Variants in ADAMTS17 observed in about 807,000 individuals in gnomAD.
The protein encoded by ADAMTS17 is A disintegrin and metalloproteinase with thrombospondin motifs 17.
A neutral mutation model predicts 141.5 loss-of-function variants in ADAMTS17; 113 were observed. The observed-to-expected ratio is 0.80, with a 90% confidence interval of 0.69 to 0.93. ADAMTS17 has a LOEUF of 0.93. Among genes scored for constraint, ADAMTS17 ranks in the 40% least tolerant of loss-of-function variants. ADAMTS17 has a pLI of 0.00. For missense variants in ADAMTS17, 1,659 were observed against 1,517.9 expected, an observed-to-expected ratio of 1.09 and a Z score of -1.54; for synonymous variants, 768 against 630.6, an observed-to-expected ratio of 1.22 and a Z score of -3.27.
At chr15:100,221,346 ATG>A (rs930919758) in intron 7 of ADAMTS17, among the ~76,000 whole-genome samples, 2 of 151,518 alleles carry the variant, frequency 1.3e-5, no homozygotes, top group African/African-American at 4.9e-5. Flanking sequence ...CGCATAGCAT[ATG>A]TGTGTGTGTT....
rs373899380 is a variant in ADAMTS17 at position 99,974,412 on chromosome 15, G to A, written c.3278C>T (p.Pro1093Leu). 2.2e-5 allele frequency: 35 copies of A among 1,614,030 alleles called. No individual in the cohort carries two copies. Among genetic ancestry groups the A allele is most frequent in the African/African-American group, 9.3e-5 (7 of 74,934 alleles). The stretch of plus-strand genomic sequence containing the variant: ...CCTTGGGACTGCGTGTCACGAGTTC[G>A]GCGGTGGCTGGCGCATCTTGTTTGC... ...FYANKMRQPP[P>L]NS The change falls in exon 22 of 22, where the codon CCG becomes CTG. Residue 1093 changes from proline to leucine, a missense_variant. Transcript: ENST00000268070.
chr15:100,303,788 C>T lies in ADAMTS17; in HGVS notation c.617-22387G>A, dbSNP rs1290600311. On this transcript the variant is annotated intron_variant, in intron 3 of 21. Transcript: ENST00000268070. ...AGGCTGGAGTGCAGTGGTGTGATCTCAGCTCATTGCAACCTCTGCCTCCTG... is the reference window on the plus strand; with the variant it reads ...AGGCTGGAGTGCAGTGGTGTGATCTTAGCTCATTGCAACCTCTGCCTCCTG... Among the ~76,000 whole-genome samples the T allele has an allele frequency of 2.0e-5, 3 of 152,262 alleles. No individual in the cohort carries two copies. In the East Asian group the frequency reaches 5.8e-4, roughly 29 times the overall value.
intron 3 of ADAMTS17, among the ~76,000 whole-genome samples, chr15:100,293,575 C>T (rs1054328150): frequency 6.6e-6 from 1 of 152,158 alleles, no homozygotes; most frequent in African/African-American, 2.4e-5. Context: ...CCCAGTGTGC[C>T]CCAGGATCCC....
chr15:100,085,291 GA>G, intron 15 of ADAMTS17, among the ~76,000 whole-genome samples: 1 of 151,552 alleles, frequency 6.6e-6, no homozygotes, highest in East Asian at 1.9e-4. Context: ...GAAGTTTAGA[GA>G]AAAAAGAATA....
intron 12 of ADAMTS17, among the ~76,000 whole-genome samples, chr15:100,121,776 T>A (rs966133081): frequency 6.6e-6 from 1 of 151,934 alleles, no homozygotes; most frequent in Middle Eastern, 3.2e-3. Flanking sequence ...CTGGTCCTGG[T>A]ATGTGGCTTC....
At chr15:99,979,502 C>T (rs1400708741) in intron 20 of ADAMTS17, 2 of 152,252 alleles carry the variant, frequency 1.3e-5, no homozygotes, top group East Asian at 3.8e-4. Flanking sequence ...CAATGCGGAA[C>T]AAAGCCACGG....
intron 7 of ADAMTS17, among the ~76,000 whole-genome samples, chr15:100,207,740 C>T (rs995223801): frequency 4.6e-5 from 7 of 152,158 alleles, no homozygotes; most frequent in South Asian, 2.1e-4. Context: ...ATCCCTCAGT[C>T]GTTTGACAAT....
At chr15:100,014,700 T>C (rs2061253572) in intron 18 of ADAMTS17, among the ~76,000 whole-genome samples, 2 of 152,210 alleles carry the variant, frequency 1.3e-5, no homozygotes, top group African/African-American at 4.8e-5. Context: ...GATTTCCAGT[T>C]TTATTCTACT....
intron 8 of ADAMTS17, among the ~76,000 whole-genome samples, chr15:100,179,374 T>C (rs2141518592): frequency 6.6e-6 from 1 of 152,320 alleles, no homozygotes; most frequent in South Asian, 2.1e-4. Context: ...ATCCACGTTG[T>C]TGCAAGTGAC....
chr15:100,126,877 A>T (rs1241704433), intron 12 of ADAMTS17, among the ~76,000 whole-genome samples: 2 of 152,222 alleles, frequency 1.3e-5, no homozygotes, highest in Non-Finnish European at 2.9e-5. Flanking sequence ...AGTGGGGAGG[A>T]CACAGTCAAA....
chr15:100,292,710 A>G (rs2044687505), intron 3 of ADAMTS17, among the ~76,000 whole-genome samples: 1 of 152,244 alleles, frequency 6.6e-6, no homozygotes, highest in Admixed American at 6.5e-5. Context: ...TTTGTTAACT[A>G]TCTTGCCCAA....
intron 18 of ADAMTS17, among the ~76,000 whole-genome samples, chr15:100,000,499 C>T (rs1011837071): frequency 6.6e-6 from 1 of 152,136 alleles, no homozygotes; most frequent in Non-Finnish European, 1.5e-5. Flanking sequence ...CACACACATA[C>T]TAAAAAACAG....
At chr15:100,014,452 G>C (rs576132935) in intron 18 of ADAMTS17, among the ~76,000 whole-genome samples, 1 of 152,136 alleles carries the variant, frequency 6.6e-6, no homozygotes, top group East Asian at 1.9e-4. Context: ...TGTGACCTTA[G>C]AATATCAGTC....
intron 14 of ADAMTS17, 89 bp downstream of exon 14, chr15:100,108,900 T>C: frequency 6.2e-7 from 1 of 1,604,932 alleles, no homozygotes; most frequent in Non-Finnish European, 8.5e-7. Context: ...CTAGGCCTCC[T>C]GAGACCTCTG....
rs530110716 is a variant in ADAMTS17 at position 100,270,679 on chromosome 15, C to A, written c.790-8244G>T. Among the ~76,000 whole-genome samples the A allele has an allele frequency of 8.6e-5, 13 of 151,008 alleles. No homozygotes were observed. In the South Asian group the frequency reaches 1.9e-3, roughly 22 times the overall value. ...AAAATGTTGATGGTGTAGACATAGG[C>A]CTACCTTGATGAGCTTATGGATACT... On this transcript the variant is annotated intron_variant, in intron 4 of 21. Coordinates refer to ENST00000268070, the MANE Select transcript of ADAMTS17 (RefSeq NM_139057.4).
chr15:100,037,275 T>C (rs1418439067), intron 18 of ADAMTS17, among the ~76,000 whole-genome samples: 2 of 152,232 alleles, frequency 1.3e-5, no homozygotes, highest in Non-Finnish European at 2.9e-5. Context: ...TATGGTTTGA[T>C]TGGCATTTCC....
intron 7 of ADAMTS17, among the ~76,000 whole-genome samples, chr15:100,236,301 C>A (rs1298785863): frequency 7.3e-5 from 5 of 68,474 alleles, no homozygotes; most frequent in Admixed American, 1.3e-4. Context: ...AAAAAAAAAA[C>A]CCTAACAAGA....
At chr15:100,331,105 C>T (rs372604560) in intron 2 of ADAMTS17, 51 bp from the exon 3 acceptor site, 38 of 1,609,664 alleles carry the variant, frequency 2.4e-5, no homozygotes, top group East Asian at 9.0e-5. Context: ...CACTCACACA[C>T]GCCCATGGCC....
At chr15:100,143,876 T>A (rs1219526723) in intron 10 of ADAMTS17, among the ~76,000 whole-genome samples, 1 of 152,198 alleles carries the variant, frequency 6.6e-6, no homozygotes, top group Non-Finnish European at 1.5e-5. Flanking sequence ...GGAAATGATG[T>A]TTAAATTGAT....
Sources: allele counts gnomAD v4.1 joint callset (sites outside exome capture counted in the v4.1 genomes callset), GRCh38; gene constraint gnomAD v4.1.1; transcripts MANE v1.5; gene names NCBI Gene and HGNC (gene_info 2026-07-23, HGNC 2026-07-21).